RNF220: variants seen among roughly 807,000 people sequenced by gnomAD.
The protein encoded by RNF220 is ring finger protein 220.
RNF220 carries 7 observed loss-of-function variants against 67.1 expected under a neutral mutation model. The observed-to-expected ratio is 0.10, with a 90% CI of 0.06 to 0.20. The LOEUF (loss-of-function observed/expected upper bound fraction) is 0.20, where lower values mean the gene tolerates loss of function less well. Ranked by LOEUF, RNF220 falls within the 10% of genes least tolerant of loss-of-function variation. The probability of loss-of-function intolerance (pLI) is 1.00; values close to 1 mark genes in which losing one functional copy is unlikely to be tolerated. For missense variants in RNF220, 565 were observed against 740.3 expected, an observed-to-expected ratio of 0.76 and a Z score of 2.75; for synonymous variants, 270 against 283.2, an observed-to-expected ratio of 0.95 and a Z score of 0.47.
intron 2 of RNF220, among the ~76,000 whole-genome samples, chr1:44,514,529 C>G (rs1228883878): frequency 2.0e-5 from 3 of 152,118 alleles, no homozygotes; most frequent in African/African-American, 7.2e-5. Context: ...CAGTCAAACC[C>G]CAACTGACTC....
rs184969275 is a variant in RNF220, at chr1:44,630,966, T to C, written c.907-1377T>C. On this transcript the variant is annotated intron_variant, in intron 5 of 14. Coordinates refer to ENST00000361799, the MANE Select transcript of RNF220 (RefSeq NM_018150.4). ...CATTGTGTGTAGTGTGGAGGATGGG[T>C]TGCAGAGAGAGAAGCTAGAGACCAA... Among the ~76,000 whole-genome samples, 4 of 152,306 alleles carry C rather than the reference T, an allele frequency of 2.6e-5. No individual in the cohort carries two copies. In the East Asian group the frequency reaches 7.7e-4, roughly 29 times the overall value.
At chr1:44,595,684 C>T (rs185649731) in intron 2 of RNF220, among the ~76,000 whole-genome samples, 1 of 152,200 alleles carries the variant, frequency 6.6e-6, no homozygotes, top group African/African-American at 2.4e-5. Flanking sequence ...GTACAGCTTT[C>T]CATTCCAACC....
At chr1:44,587,783 G>C (rs1159526469) in intron 2 of RNF220, among the ~76,000 whole-genome samples, 1 of 152,206 alleles carries the variant, frequency 6.6e-6, no homozygotes, top group African/African-American at 2.4e-5. Context: ...CGGCCTTACA[G>C]GGGCAGTGTT....
At chr1:44,541,333 T>G (rs1243994438) in intron 2 of RNF220, among the ~76,000 whole-genome samples, 1 of 152,132 alleles carries the variant, frequency 6.6e-6, no homozygotes, top group African/African-American at 2.4e-5. Flanking sequence ...GAGGCTGAGA[T>G]GGGAGAATCA....
chr1:44,476,873 A>G (rs960289029), intron 2 of RNF220, among the ~76,000 whole-genome samples: 1 of 152,186 alleles, frequency 6.6e-6, no homozygotes, highest in Admixed American at 6.5e-5. Context: ...TAGCAGAAAC[A>G]GCAGATGGCC....
chr1:44,484,236 G>A (rs766170085), intron 2 of RNF220, among the ~76,000 whole-genome samples: 12 of 152,036 alleles, frequency 7.9e-5, no homozygotes, highest in Non-Finnish European at 1.8e-4. Context: ...GCTGGATGCT[G>A]TAACTGGCAT....
chr1:44,446,560 C>CTT (rs1286586874), intron 2 of RNF220, among the ~76,000 whole-genome samples: 35 of 137,298 alleles, frequency 2.5e-4, no homozygotes, highest in Admixed American at 1.2e-3. Context: ...TTGGAGTAAC[C>CTT]TTTTTTTTTT....
intron 1 of RNF220, among the ~76,000 whole-genome samples, chr1:44,411,586 G>A (rs1042811185): frequency 6.6e-6 from 1 of 152,184 alleles, no homozygotes; most frequent in African/African-American, 2.4e-5. Flanking sequence ...CTGAACATCA[G>A]GCCTGCCATG....
intron 2 of RNF220, among the ~76,000 whole-genome samples, chr1:44,445,282 A>G (rs139970517): frequency 0.02 from 3,034 of 152,222 alleles, 52 homozygotes; most frequent in South Asian, 0.061. Context: ...TCTCCTATAA[A>G]TATATATTCT....
intron 2 of RNF220, among the ~76,000 whole-genome samples, chr1:44,422,942 G>T (rs958065180): frequency 6.6e-6 from 1 of 151,848 alleles, no homozygotes; most frequent in Non-Finnish European, 1.5e-5. Context: ...TGCACTCATT[G>T]GTTTAATCAT....
chr1:44,441,433 C>T (rs1268019863), intron 2 of RNF220, among the ~76,000 whole-genome samples: 1 of 151,934 alleles, frequency 6.6e-6, no homozygotes, highest in African/African-American at 2.4e-5. Flanking sequence ...GAGTGAATGG[C>T]TATGTGGGAA....
chr1:44,641,144 A>G (rs1465720985), intron 8 of RNF220, among the ~76,000 whole-genome samples: 3 of 152,070 alleles, frequency 2.0e-5, no homozygotes, highest in African/African-American at 7.2e-5. Context: ...TTCTGCACTT[A>G]ACTCTCTCCC....
At chr1:44,471,778 C>T (rs1654832319) in intron 2 of RNF220, among the ~76,000 whole-genome samples, 1 of 151,982 alleles carries the variant, frequency 6.6e-6, no homozygotes, top group Admixed American at 6.6e-5. Context: ...GAGCCGAGAT[C>T]GCACCATTGC....
Position 44,650,193 on chromosome 1 carries a change from GC to G in RNF220, c.1629+240del. ...GAGTTCACTGCATTCTCCCTTCCCCGCCCCGGTCCCCGAAGGCCCACTGCAT... is the reference window on the plus strand; with the variant it reads ...GAGTTCACTGCATTCTCCCTTCCCCGCCCGGTCCCCGAAGGCCCACTGCAT... On this transcript the variant is annotated intron_variant, in intron 14 of 14. Coordinates refer to ENST00000361799, the MANE Select transcript of RNF220 (RefSeq NM_018150.4). This position sits in a 1 kb window ranked among gnomAD's most constrained non-coding sequence, Gnocchi z 4.3. 1.7e-6 allele frequency: 1 copy of G among 586,486 alleles called. No homozygotes were observed. The highest frequency in any genetic ancestry group is 3.0e-6 in the Non-Finnish European group (1 of 330,224). 36.3% of individuals were successfully genotyped at this position (586,486 alleles called of 1,614,324 possible). A position where few individuals can be genotyped will look rare whatever the true frequency, so the allele number is the denominator to read the frequency against.
rs986127680 is a variant in RNF220, at chr1:44,650,161, C to A, written c.1629+204C>A. ...AACTGCAGGTTTAGGAACTTCTCCC[C>A]CTCCATGAGTTCACTGCATTCTCCC... On this transcript the variant is annotated intron_variant, in intron 14 of 14. Coordinates refer to ENST00000361799, the MANE Select transcript of RNF220 (RefSeq NM_018150.4). The surrounding 1 kb of genome is among the most constrained non-coding windows in gnomAD (Gnocchi z 4.3). 3.3e-6 allele frequency: 2 copies of A among 610,730 alleles called. No individual in the cohort carries two copies. Among genetic ancestry groups the A allele is most frequent in the Non-Finnish European group, 5.8e-6 (2 of 347,332 alleles). The allele number at this position is 610,730 out of a possible 1,614,324, so 37.8% of individuals were successfully genotyped here.
intron 3 of RNF220, among the ~76,000 whole-genome samples, chr1:44,615,504 A>G (rs188363869): frequency 1.1e-3 from 168 of 152,314 alleles, no homozygotes; most frequent in African/African-American, 3.9e-3. Flanking sequence ...ATTCAGTTCA[A>G]GTCATCAGAC....
At chr1:44,451,947 T>C (rs983720912) in intron 2 of RNF220, among the ~76,000 whole-genome samples, 3 of 152,248 alleles carry the variant, frequency 2.0e-5, no homozygotes, top group Non-Finnish European at 2.9e-5. Context: ...TTTTCTGTTA[T>C]GGCTTCTGAA....
intron 2 of RNF220, among the ~76,000 whole-genome samples, chr1:44,493,991 C>T (rs939459882): frequency 1.8e-4 from 27 of 151,894 alleles, no homozygotes; most frequent in African/African-American, 6.3e-4. Context: ...TGGATGACTT[C>T]AGGTCAGGAG....
At chr1:44,446,636 T>C (rs1652124899) in intron 2 of RNF220, among the ~76,000 whole-genome samples, 1 of 150,966 alleles carries the variant, frequency 6.6e-6, no homozygotes, top group Non-Finnish European at 1.5e-5. Context: ...CTCGGCTCAC[T>C]GCAACCTCCA....
Sources: allele counts gnomAD v4.1 joint callset (sites outside exome capture counted in the v4.1 genomes callset), GRCh38; gene constraint gnomAD v4.1.1; non-coding constraint Gnocchi (gnomAD v3.1); transcripts MANE v1.5; gene names NCBI Gene and HGNC (gene_info 2026-07-23, HGNC 2026-07-21).